PDE1A: variants seen among roughly 807,000 people sequenced by gnomAD.
PDE1A encodes phosphodiesterase 1A.
A neutral mutation model predicts 61.7 loss-of-function variants in PDE1A; 35 were observed. That is an observed-to-expected ratio of 0.57 (90% CI 0.43 to 0.75). The LOEUF is 0.75. PDE1A is among the 30% of genes least tolerant of loss of function. PDE1A has a pLI of 0.00. For missense variants in PDE1A, 597 were observed against 630.6 expected, an observed-to-expected ratio of 0.95 and a Z score of 0.57; for synonymous variants, 232 against 213.2, an observed-to-expected ratio of 1.09 and a Z score of -0.77.
At chr2:182,291,174 AC>A (rs1694508121) in intron 1 of PDE1A, among the ~76,000 whole-genome samples, 1 of 151,802 alleles carries the variant, frequency 6.6e-6, no homozygotes, top group Non-Finnish European at 1.5e-5. Flanking sequence ...GACCCTCCAA[AC>A]CTCTCGTCCT....
At chr2:182,545,494 A>T in the PDE1A span, among the ~76,000 whole-genome samples, 1 of 152,150 alleles carries the variant, frequency 6.6e-6, no homozygotes, top group East Asian at 1.9e-4. Context: ...AGTGGTTTCT[A>T]TTTTTTTAAT....
chr2:182,350,801 A>G (rs975518649), intron 1 of PDE1A, among the ~76,000 whole-genome samples: 34 of 152,116 alleles, frequency 2.2e-4, no homozygotes, highest in Non-Finnish European at 7.4e-5. Flanking sequence ...AGAGTCCCCC[A>G]GGACCCAGCT....
intron 1 of PDE1A, among the ~76,000 whole-genome samples, chr2:182,413,688 A>G (rs1297803883): frequency 1.3e-5 from 2 of 152,234 alleles, no homozygotes; most frequent in Non-Finnish European, 2.9e-5. Flanking sequence ...TGGCACAAAG[A>G]AAGTTCCACT....
chr2:182,490,216 G>T (rs547714310), intron 2 of PDE1A, among the ~76,000 whole-genome samples: 2 of 152,314 alleles, frequency 1.3e-5, no homozygotes, highest in South Asian at 4.1e-4. Flanking sequence ...AGTGTAGAAA[G>T]GGAGATATAA....
chr2:182,600,175 G>A, the PDE1A span, among the ~76,000 whole-genome samples: 1 of 152,140 alleles, frequency 6.6e-6, no homozygotes, highest in African/African-American at 2.4e-5. Context: ...AAAAAAATAA[G>A]TAATGCTATT....
the PDE1A span, among the ~76,000 whole-genome samples, chr2:182,628,116 T>G: frequency 8.5e-5 from 13 of 152,244 alleles, no homozygotes; most frequent in African/African-American, 2.6e-4. Flanking sequence ...CCTAGTGACC[T>G]AGAAGCAACT....
intron 2 of PDE1A, among the ~76,000 whole-genome samples, chr2:182,484,676 A>G (rs751400255): frequency 4.6e-5 from 7 of 152,100 alleles, no homozygotes; most frequent in Non-Finnish European, 1.0e-4. Flanking sequence ...GGAGAAAAAC[A>G]AACAACCCCA....
chr2:182,446,356 T>C (rs1424447356), intron 2 of PDE1A, among the ~76,000 whole-genome samples: 1 of 152,086 alleles, frequency 6.6e-6, no homozygotes, highest in Admixed American at 6.6e-5. Context: ...AAACTTATCT[T>C]AGCCATTGAT....
In PDE1A at chr2:182,201,799, C is replaced by T. The variant is rs749693850; in HGVS notation, c.903-10G>A. 11 of 1,549,654 alleles carry T rather than the reference C, an allele frequency of 7.1e-6. No homozygotes were observed. In the Admixed American group the frequency reaches 1.3e-4, roughly 19 times the overall value. ...TAGGTTCCGAAGATCCCTGCAGAGTCACCAAAAGGAGAAAGGTTCATTCAG... is the reference window on the plus strand; with the variant it reads ...TAGGTTCCGAAGATCCCTGCAGAGTTACCAAAAGGAGAAAGGTTCATTCAG... On this transcript the variant is annotated splice_polypyrimidine_tract_variant and intron_variant, in intron 8 of 13. Coordinates refer to ENST00000351439, the Ensembl canonical transcript of PDE1A.
intron 13 of PDE1A, among the ~76,000 whole-genome samples, chr2:182,169,613 C>A (rs1217516776): frequency 6.6e-6 from 1 of 152,022 alleles, no homozygotes; most frequent in Non-Finnish European, 1.5e-5. Flanking sequence ...GAAATAACTT[C>A]TAATATCCTG....
chr2:182,203,534 A>G (rs1686850049), intron 8 of PDE1A, among the ~76,000 whole-genome samples: 1 of 152,238 alleles, frequency 6.6e-6, no homozygotes, highest in South Asian at 2.1e-4. Context: ...TTGAAAAGCA[A>G]CTGAATAAGA....
chr2:182,223,822 T>A (rs1688925361), intron 7 of PDE1A, 42 bp downstream of exon 7: 1 of 1,164,204 alleles, frequency 8.6e-7, no homozygotes, highest in Admixed American at 2.4e-5. Flanking sequence ...AAAATAAATT[T>A]CAAATTTTAA....
At chr2:182,418,655 C>G (rs1703075349) in intron 1 of PDE1A, among the ~76,000 whole-genome samples, 1 of 151,568 alleles carries the variant, frequency 6.6e-6, no homozygotes, top group African/African-American at 2.4e-5. Context: ...ATTAACTGAT[C>G]CAAATGCAAA....
chr2:182,499,004 T>C (rs972181683), intron 2 of PDE1A, among the ~76,000 whole-genome samples: 4 of 151,816 alleles, frequency 2.6e-5, no homozygotes, highest in African/African-American at 9.7e-5. Flanking sequence ...TTTTGTTTTT[T>C]TGAGATTGAG....
At chr2:182,548,707 C>T in the PDE1A span, among the ~76,000 whole-genome samples, 1 of 151,922 alleles carries the variant, frequency 6.6e-6, no homozygotes, top group East Asian at 1.9e-4. Flanking sequence ...AGGTTAGGTC[C>T]CTTTGGTAAT....
rs201416825 is a variant in PDE1A at position 182,498,522 on chromosome 2, GA to G, written c.101+23753del. ...AGGTGCAAACTAAAAATCCCAGAAA[GA>G]AAAAAAAATAAGAAAAAAAGTTATC... is the stretch of plus-strand genomic sequence containing the variant. On this transcript the variant is annotated intron_variant, in intron 2 of 14. Coordinates refer to the PDE1A transcript ENST00000410103. 2.5e-3 allele frequency among the ~76,000 whole-genome samples: 364 copies of G among 144,842 alleles called. 1 individual carries two copies. The highest frequency in any genetic ancestry group is 4.0e-3 in the South Asian group (18 of 4,536).
chr2:182,657,103 G>T, the PDE1A span, among the ~76,000 whole-genome samples: 2 of 152,034 alleles, frequency 1.3e-5, no homozygotes, highest in Non-Finnish European at 2.9e-5. Context: ...CATGCCTATA[G>T]TCCCAGCTAC....
At chr2:182,597,047 A>G in the PDE1A span, among the ~76,000 whole-genome samples, 1 of 151,954 alleles carries the variant, frequency 6.6e-6, no homozygotes, top group Non-Finnish European at 1.5e-5. Flanking sequence ...CAGCTGCTCA[A>G]GAGGCTGAGG....
the PDE1A span, chr2:182,716,074 G>A: frequency 2.0e-5 from 3 of 152,490 alleles, no homozygotes; most frequent in African/African-American, 7.2e-5. Flanking sequence ...GCTTGGCCAG[G>A]GCAGTTCCCT....
Sources: allele counts gnomAD v4.1 joint callset (sites outside exome capture counted in the v4.1 genomes callset), GRCh38; gene constraint gnomAD v4.1.1; transcripts MANE v1.5; gene names NCBI Gene and HGNC (gene_info 2026-07-23, HGNC 2026-07-21).